Variants in NECAB1 observed in about 807,000 individuals in gnomAD.
The protein encoded by NECAB1 is N-terminal EF-hand calcium binding protein 1.
A neutral mutation model predicts 57.5 loss-of-function variants in NECAB1; 29 were observed. The ratio of observed to expected loss-of-function variants is 0.50; its 90% CI spans 0.38 to 0.69. The LOEUF is 0.69. Among genes scored for constraint, NECAB1 ranks in the 30% least tolerant of loss-of-function variants. The pLI is 0.00. For missense variants in NECAB1, 372 were observed against 413.8 expected (o/e 0.90, Z 0.88); for synonymous variants, 142 against 147.7 (o/e 0.96, Z 0.28).
intron 4 of NECAB1, among the ~76,000 whole-genome samples, chr8:90,875,857 A>AAG (rs1345763095): frequency 0.011 from 3 of 272 alleles, no homozygotes; most frequent in African/African-American, 0.019. Context: ...AAAAAAAAAA[A>AAG]AAAATTACCG....
intron 2 of NECAB1, 51 bp from the exon 3 acceptor site, chr8:90,824,666 A>G: frequency 1.6e-6 from 2 of 1,228,240 alleles, no homozygotes; most frequent in East Asian, 2.6e-5. Flanking sequence ...CAAAAACAGA[A>G]CAATGTACAA....
At position 90,801,805 on chromosome 8, in the gene NECAB1, G is replaced by A. The variant is rs56168235; in HGVS notation, c.124+90G>A. The A allele has an allele frequency of 3.1e-5, 28 of 892,562 alleles. 2 individuals carry two copies. Among genetic ancestry groups the A allele is most frequent in the South Asian group, 3.0e-4 (17 of 56,674 alleles). The allele number at this position is 892,562 out of a possible 1,614,324, so 55.3% of individuals were successfully genotyped here. A position where few individuals can be genotyped will look rare whatever the true frequency, so the allele number is the denominator to read the frequency against. ...ATAATCAGGAAAAAGGGGACAGTCC[G>A]GGAAAATTACATATAAAATACTACC... is the stretch of plus-strand genomic sequence containing the variant. On this transcript the variant is annotated intron_variant, in intron 2 of 12. Transcript: ENST00000417640.
intron 10 of NECAB1, among the ~76,000 whole-genome samples, chr8:90,949,234 G>GA (rs2130268882): frequency 6.6e-6 from 1 of 150,980 alleles, no homozygotes; most frequent in East Asian, 1.9e-4. Context: ...GGGAGAAAGA[G>GA]AAAAAAGAGA....
intron 5 of NECAB1, among the ~76,000 whole-genome samples, chr8:90,884,490 T>C (rs1808923199): frequency 6.6e-6 from 1 of 152,204 alleles, no homozygotes; most frequent in African/African-American, 2.4e-5. Flanking sequence ...TATAATTTTA[T>C]GTAGGACTTA....
chr8:90,829,379 A>T (rs895088673), intron 3 of NECAB1, among the ~76,000 whole-genome samples: 1 of 152,122 alleles, frequency 6.6e-6, no homozygotes, highest in African/African-American at 2.4e-5. Context: ...GGAAACTATG[A>T]TGAATTTAGC....
intron 3 of NECAB1, among the ~76,000 whole-genome samples, chr8:90,871,321 C>G (rs1808617773): frequency 6.6e-6 from 1 of 152,190 alleles, no homozygotes; most frequent in Admixed American, 6.5e-5. Context: ...CTAATATGAT[C>G]ATTTTTCTCC....
At chr8:90,902,010 A>G (rs147277971) in intron 5 of NECAB1, among the ~76,000 whole-genome samples, 1 of 152,330 alleles carries the variant, frequency 6.6e-6, no homozygotes, top group African/African-American at 2.4e-5. Flanking sequence ...TTGCACAGTT[A>G]TATTTACAAA....
chr8:90,875,113 C>T lies in NECAB1; in HGVS notation c.259+2960C>T, dbSNP rs534995389. Among the ~76,000 whole-genome samples, 4 of 152,288 alleles carry T rather than the reference C, an allele frequency of 2.6e-5. No individual in the cohort carries two copies. The South Asian group carries it at 8.3e-4, about 32-fold the overall frequency. On this transcript the variant is annotated intron_variant, in intron 4 of 12. Transcript: ENST00000417640. The stretch of plus-strand genomic sequence containing the variant: ...AATTACTACCTTTCCTGGCCCTACC[C>T]TGTTTATGACTGTTTTCATAACCTT...
At chr8:90,837,705 TG>T (rs1812391259) in intron 3 of NECAB1, among the ~76,000 whole-genome samples, 1 of 152,334 alleles carries the variant, frequency 6.6e-6, no homozygotes, top group South Asian at 2.1e-4. Context: ...AATAGAATTG[TG>T]TCTAGTGTCT....
At chr8:90,824,887 T>G (rs1263260109) in intron 3 of NECAB1, 62 bp downstream of exon 3, 1 of 818,166 alleles carries the variant, frequency 1.2e-6, no homozygotes, top group Non-Finnish European at 1.9e-6. Context: ...AATGCATTCA[T>G]GTCCAGGAAG....
rs1808631865 is a variant in NECAB1 at position 90,872,109 on chromosome 8, T to C, written c.234-19T>C. 1 of 1,540,956 alleles carries C rather than the reference T, an allele frequency of 6.5e-7. No homozygotes were observed. Among genetic ancestry groups the C allele is most frequent in the African/African-American group, 1.4e-5 (1 of 72,716 alleles). ...TTACCAAAGTAATAACACTGTTTTTTTTTGTTTCATCTTTTCAGTAATCTT... is the reference window on the plus strand; with the variant it reads ...TTACCAAAGTAATAACACTGTTTTTCTTTGTTTCATCTTTTCAGTAATCTT... On this transcript the variant is annotated intron_variant, in intron 3 of 12. Coordinates refer to ENST00000417640, the MANE Select transcript of NECAB1 (RefSeq NM_022351.5).
intron 10 of NECAB1, among the ~76,000 whole-genome samples, chr8:90,945,404 T>C (rs945486321): frequency 2.0e-5 from 3 of 152,038 alleles, no homozygotes; most frequent in Admixed American, 6.5e-5. Flanking sequence ...TTCATCATGT[T>C]GCCCTGGATG....
At chr8:90,946,618 G>A (rs545532349) in intron 10 of NECAB1, among the ~76,000 whole-genome samples, 22 of 152,178 alleles carry the variant, frequency 1.4e-4, no homozygotes, top group Non-Finnish European at 2.9e-4. Context: ...TGTCATCAAA[G>A]ATCCCAGGTC....
intron 8 of NECAB1, among the ~76,000 whole-genome samples, chr8:90,929,094 A>T (rs1239385388): frequency 6.6e-6 from 1 of 152,240 alleles, no homozygotes; most frequent in Non-Finnish European, 1.5e-5. Context: ...AAAAAGGCAG[A>T]GCAAGAGAGA....
chr8:90,887,115 T>C (rs1348062834), intron 5 of NECAB1, among the ~76,000 whole-genome samples: 10 of 152,184 alleles, frequency 6.6e-5, no homozygotes, highest in Non-Finnish European at 1.5e-4. Flanking sequence ...TGACATGCCA[T>C]TTATCATCCT....
chr8:90,844,973 C>A (rs1812528611), intron 3 of NECAB1, among the ~76,000 whole-genome samples: 1 of 152,152 alleles, frequency 6.6e-6, no homozygotes, highest in South Asian at 2.1e-4. Flanking sequence ...AGTTTAAAAT[C>A]TGCAGGGTGG....
At chr8:90,953,059 C>CT (rs1810952620) in intron 12 of NECAB1, among the ~76,000 whole-genome samples, 1 of 152,158 alleles carries the variant, frequency 6.6e-6, no homozygotes, top group South Asian at 2.1e-4. Flanking sequence ...AGTCCTGACA[C>CT]TTGTAATTTT....
intron 12 of NECAB1, among the ~76,000 whole-genome samples, chr8:90,955,106 TA>T (rs1811002316): frequency 1.2e-5 from 1 of 85,690 alleles, no homozygotes; most frequent in African/African-American, 5.2e-5. Flanking sequence ...ATATTGGGTA[TA>T]TAAATTATAT....
At chr8:90,936,847 T>C (rs1264084844) in intron 9 of NECAB1, among the ~76,000 whole-genome samples, 1 of 152,064 alleles carries the variant, frequency 6.6e-6, no homozygotes, top group Non-Finnish European at 1.5e-5. Flanking sequence ...GTAACACTTA[T>C]TTAGTACCTG....
Sources: allele counts gnomAD v4.1 joint callset (sites outside exome capture counted in the v4.1 genomes callset), GRCh38; gene constraint gnomAD v4.1.1; transcripts MANE v1.5; gene names NCBI Gene and HGNC (gene_info 2026-07-23, HGNC 2026-07-21).